Variants in MACF1 observed in about 807,000 individuals in gnomAD.
MACF1 encodes the protein microtubule-actin cross-linking factor 1.
MACF1 carries 193 observed loss-of-function variants against 854.8 expected under a neutral mutation model. That is an observed-to-expected ratio of 0.23 (90% CI 0.20 to 0.25). The LOEUF (loss-of-function observed/expected upper bound fraction) is 0.25, where lower values mean the gene tolerates loss of function less well. Among genes scored for constraint, MACF1 ranks in the 10% least tolerant of loss-of-function variants. MACF1 has a pLI of 1.00. For missense variants in MACF1, 7,722 were observed against 8,929.1 expected (o/e 0.86, Z 5.45); for synonymous variants, 3,185 against 3,226.7 (o/e 0.99, Z 0.44).
intron 64 of MACF1, among the ~76,000 whole-genome samples, 173 bp from the exon 65 acceptor site, chr1:39,429,654 G>A (rs1251499182): frequency 1.3e-5 from 2 of 152,178 alleles, no homozygotes; most frequent in Admixed American, 6.5e-5. Context: ...CTTTTATCCA[G>A]TGGAAAGTTT....
chr1:39,389,036 G>A (rs1401767936), intron 58 of MACF1, among the ~76,000 whole-genome samples: 3 of 151,042 alleles, frequency 2.0e-5, no homozygotes, highest in Non-Finnish European at 3.0e-5. Context: ...CACCATACCC[G>A]GCTAATTTTT....
intron 10 of MACF1, 30 bp downstream of exon 10, chr1:39,284,215 A>T: frequency 6.2e-7 from 1 of 1,606,120 alleles, no homozygotes; most frequent in Non-Finnish European, 8.5e-7. Context: ...TTTTTTTGGT[A>T]AAATCTTTCT....
intron 47 of MACF1, among the ~76,000 whole-genome samples, chr1:39,360,585 C>T (rs1648099365): frequency 6.6e-6 from 1 of 151,422 alleles, no homozygotes; most frequent in African/African-American, 2.4e-5. Context: ...GCCTGTAATC[C>T]AGGCACTTTA....
Position 39,362,996 on chromosome 1 carries a change from A to G in MACF1, c.12771+1319A>G, listed in dbSNP as rs371946937. On this transcript the variant is annotated intron_variant, in intron 49 of 100. Coordinates refer to ENST00000564288, the MANE Select transcript of MACF1 (RefSeq NM_001394062.1). Reference sequence around the variant, plus strand: ...TTATTTGTTTTATTCTACAATAAATATAAGATAGTTTTAGAATTACATTAG... The same window carrying G: ...TTATTTGTTTTATTCTACAATAAATGTAAGATAGTTTTAGAATTACATTAG... 1.9e-4 allele frequency among the ~76,000 whole-genome samples: 29 copies of G among 152,344 alleles called. No individual in the cohort carries two copies. In the East Asian group the frequency reaches 3.5e-3, roughly 18 times the overall value.
rs1292265380 is a variant in MACF1 at position 39,385,427 on chromosome 1, A to G, written c.13849-7A>G. ...GTCTAAACATCTTGGTGTCATTTCT[A>G]TTTCAGTTTATGCTAAAGGAATTTG... On this transcript the variant is annotated splice_region_variant and splice_polypyrimidine_tract_variant and intron_variant, in intron 56 of 100. Coordinates refer to ENST00000564288, the MANE Select transcript of MACF1 (RefSeq NM_001394062.1). 5 of 1,611,732 alleles carry G rather than the reference A, an allele frequency of 3.1e-6. No homozygotes were observed. The South Asian group carries it at 5.5e-5, about 18-fold the overall frequency.
In MACF1 at chr1:39,436,642, T is replaced by A. The variant is rs557189068; in HGVS notation, c.17988+881T>A. 171 of 719,228 alleles carry A rather than the reference T, an allele frequency of 2.4e-4. 2 individuals carry two copies. In the South Asian group the frequency reaches 2.8e-3, roughly 12 times the overall value. 44.6% of individuals were successfully genotyped at this position (719,228 alleles called of 1,614,324 possible). On this transcript the variant is annotated intron_variant, in intron 70 of 100. Coordinates refer to ENST00000564288, the MANE Select transcript of MACF1 (RefSeq NM_001394062.1). ...TTTCATTTGGGGTGGAACCTAGAAGTGAGAGAGTGATGGGAAGTGATGTTG... is the reference window on the plus strand; with the variant it reads ...TTTCATTTGGGGTGGAACCTAGAAGAGAGAGAGTGATGGGAAGTGATGTTG...
intron 6 of MACF1, among the ~76,000 whole-genome samples, chr1:39,270,877 A>G (rs1461850575): frequency 6.6e-6 from 1 of 152,126 alleles, no homozygotes; most frequent in Non-Finnish European, 1.5e-5. Flanking sequence ...TGTGCCTAGA[A>G]TTTCCTCTTT....
At position 39,450,832 on chromosome 1, in the gene MACF1, C is replaced by T. The variant is rs1414170695; in HGVS notation, c.20259-220C>T. Among the ~76,000 whole-genome samples the T allele has an allele frequency of 4.6e-5, 7 of 151,752 alleles. No homozygotes were observed. In the East Asian group the frequency reaches 7.8e-4, roughly 17 times the overall value. ...TTCACCGTGTTAGCCAGGATGGTCT[C>T]GATCTCCTGACCTCGTGATCTGCCC... On this transcript the variant is annotated intron_variant, in intron 84 of 100. Transcript: ENST00000564288.
rs141868534 is a variant in MACF1 at position 39,240,929 on chromosome 1, C to A, written c.172-9085C>A. ...TGATAAAATTCTTATATGCAAAGAACCTCACACTTTGTTCCCCTCCCACCC... is the reference window on the plus strand; with the variant it reads ...TGATAAAATTCTTATATGCAAAGAAACTCACACTTTGTTCCCCTCCCACCC... On this transcript the variant is annotated intron_variant, in intron 2 of 100. Coordinates refer to ENST00000564288, the MANE Select transcript of MACF1 (RefSeq NM_001394062.1). Among the ~76,000 whole-genome samples the A allele has an allele frequency of 3.7e-3, 568 of 152,246 alleles. 6 individuals carry two copies. In the Middle Eastern group the frequency reaches 0.068, roughly 18 times the overall value.
intron 20 of MACF1, 66 bp downstream of exon 20, chr1:39,295,948 C>T (rs1447273938): frequency 3.6e-6 from 5 of 1,383,232 alleles, no homozygotes; most frequent in African/African-American, 1.4e-5. Context: ...GTTACAAACA[C>T]ATCTGCGTTA....
intron 51 of MACF1, among the ~76,000 whole-genome samples, chr1:39,371,837 G>A (rs548201799): frequency 6.9e-5 from 10 of 145,706 alleles, no homozygotes; most frequent in African/African-American, 2.0e-4. Context: ...TTTTTAAGAC[G>A]GAGTCTCACT....
Position 39,251,839 on chromosome 1 carries a change from G to A in MACF1, c.262-7G>A. The stretch of plus-strand genomic sequence containing the variant: ...TATTGTGTCTTTGCCTTGGTTGGTG[G>A]CCAAAGGAGCCAGCAGGGCTGAAGA... On this transcript the variant is annotated splice_polypyrimidine_tract_variant and splice_region_variant and intron_variant, in intron 3 of 100. Coordinates refer to ENST00000564288, the MANE Select transcript of MACF1 (RefSeq NM_001394062.1). 1.4e-6 allele frequency: 2 copies of A among 1,384,214 alleles called. No individual in the cohort carries two copies. Among genetic ancestry groups the A allele is most frequent in the Non-Finnish European group, 1.9e-6 (2 of 1,065,240 alleles). 85.7% of individuals were successfully genotyped at this position (1,384,214 alleles called of 1,614,324 possible).
In MACF1 at chr1:39,372,460, C is replaced by A; in HGVS notation, c.13096-19C>A. ...AAAAGCCCCAGATACTACATTTGGC[C>A]ATTTTCTTCTTTAAACAGAGTCTAC... is the stretch of plus-strand genomic sequence containing the variant. On this transcript the variant is annotated intron_variant, in intron 51 of 100. Coordinates refer to ENST00000564288, the MANE Select transcript of MACF1 (RefSeq NM_001394062.1). The A allele has an allele frequency of 6.8e-7, 1 of 1,480,776 alleles. No homozygotes were observed. The highest frequency in any genetic ancestry group is 9.4e-7 in the Non-Finnish European group (1 of 1,060,198). 91.7% of individuals were successfully genotyped at this position (1,480,776 alleles called of 1,614,324 possible). A position where few individuals can be genotyped will look rare whatever the true frequency, so the allele number is the denominator to read the frequency against.
In MACF1 at chr1:39,442,418, C is replaced by T; in HGVS notation, c.18955C>T (p.Leu6319=). 6.2e-7 allele frequency: 1 copy of T among 1,613,454 alleles called. No homozygotes were observed. The highest frequency in any genetic ancestry group is 1.3e-5 in the African/African-American group (1 of 74,996). Residue 6319 remains leucine, a synonymous_variant, in exon 77 of 101, where the codon CTA becomes TTA. Transcript: ENST00000564288. The part of the protein sequence containing the change: ...GEKIAHRQHK[L]EGALLALGQF... ...TCTGTCTTTTCCTGAGTAGCACAAA[C>T]TAGAAGGGGCTCTGTTGGCCCTTGG...
intron 2 of MACF1, among the ~76,000 whole-genome samples, chr1:39,185,799 C>T (rs1230486377): frequency 6.6e-6 from 1 of 152,104 alleles, no homozygotes; most frequent in African/African-American, 2.4e-5. Flanking sequence ...TAGCAATATT[C>T]CTCCTCCCTG....
intron 58 of MACF1, among the ~76,000 whole-genome samples, chr1:39,394,270 GA>G (rs1642186288): frequency 6.6e-6 from 1 of 150,662 alleles, no homozygotes; most frequent in African/African-American, 2.5e-5. Flanking sequence ...TTGATTGATT[GA>G]TTGATTTATT....
chr1:39,233,803 T>C (rs572174028), intron 2 of MACF1, among the ~76,000 whole-genome samples: 240 of 93,254 alleles, frequency 2.6e-3, no homozygotes, highest in African/African-American at 7.4e-3. Flanking sequence ...TTTTTATTTA[T>C]TTTTTATTGA....
At chr1:39,249,953 TG>T in intron 2 of MACF1, 60 bp from the exon 3 acceptor site, 1 of 848,044 alleles carries the variant, frequency 1.2e-6, no homozygotes, top group Non-Finnish European at 1.9e-6. Context: ...GAGATTTTTA[TG>T]TGGATAGTAT....
At position 39,454,927 on chromosome 1, in the gene MACF1, C is replaced by G; in HGVS notation, c.20905C>G (p.Gln6969Glu). 1 of 1,614,016 alleles carries G rather than the reference C, an allele frequency of 6.2e-7. No homozygotes were observed. The highest frequency in any genetic ancestry group is 1.3e-5 in the African/African-American group (1 of 75,056). The stretch of plus-strand genomic sequence containing the variant: ...TCCACAGGTCCTGACATGGGCTAAG[C>G]AGCACCAGCAGCGTCTTGAAACGGC... Reference protein sequence around the residue: ...RFEEVLTWAKQHQQRLETALS... With the variant: ...RFEEVLTWAKEHQQRLETALS... Residue 6969 changes from glutamine (Q) to glutamate (E), a missense_variant, in exon 89 of 101, where the codon CAG (glutamine) becomes GAG (glutamate). Gln to Glu is a conservative substitution (Grantham distance 29, BLOSUM62 2). Around this residue, in one of 15 missense-constraint regions of MACF1, gnomAD observed 729 missense variants for 900.5 expected, o/e 0.81. Transcript: ENST00000564288.
Sources: gnomAD v4.1 joint callset for allele counts (sites outside exome capture counted in the v4.1 genomes callset) on GRCh38, gnomAD v4.1.1 for gene constraint, gnomAD v4.1.1 regional missense constraint, MANE v1.5 for transcripts, NCBI Gene and HGNC (gene_info 2026-07-23, HGNC 2026-07-21) for gene names.